The following ARID4B variants were observed in gnomAD, a reference collection of about 807,000 sequenced individuals.
ARID4B encodes AT-rich interaction domain 4B.
A neutral mutation model predicts 147.5 loss-of-function variants in ARID4B; 26 were observed. That is an observed-to-expected ratio of 0.18 (90% CI 0.13 to 0.24). ARID4B has a LOEUF of 0.24. Among genes scored for constraint, ARID4B ranks in the 10% least tolerant of loss-of-function variants. The pLI, the probability that ARID4B is intolerant of heterozygous loss-of-function variation, is 1.00. For synonymous variants in ARID4B, 512 were observed against 507.9 expected, an observed-to-expected ratio of 1.01 and a Z score of -0.11; for missense variants, 1,179 against 1,511.5, an observed-to-expected ratio of 0.78 and a Z score of 3.65.
intron 12 of ARID4B, 122 bp from the exon 13 acceptor site, chr1:235,223,382 T>TACACAC (rs199542557): frequency 1.4e-5 from 3 of 211,900 alleles, no homozygotes; most frequent in African/African-American, 7.9e-5. Flanking sequence ...TATATATATA[T>TACACAC]ACACGTATAT....
At chr1:235,255,219 CTAGA>C (rs1553304253) in intron 5 of ARID4B, among the ~76,000 whole-genome samples, 59 of 127,640 alleles carry the variant, frequency 4.6e-4, no homozygotes, top group Non-Finnish European at 6.2e-4. Context: ...CTGCTGGGAG[CTAGA>C]TAGATAGATA....
intron 17 of ARID4B, among the ~76,000 whole-genome samples, chr1:235,205,072 G>A (rs972087179): frequency 3.3e-5 from 5 of 152,064 alleles, no homozygotes; most frequent in Non-Finnish European, 7.4e-5. Context: ...TAGAAACAAC[G>A]CAGACAACTT....
At chr1:235,281,333 C>T (rs2103179107) in intron 2 of ARID4B, among the ~76,000 whole-genome samples, 1 of 152,148 alleles carries the variant, frequency 6.6e-6, no homozygotes, top group East Asian at 1.9e-4. Flanking sequence ...GGTGGCTCAC[C>T]TGAGGTAAGG....
chr1:235,309,588 G>C (rs1232481815), intron 2 of ARID4B, among the ~76,000 whole-genome samples: 1 of 150,990 alleles, frequency 6.6e-6, no homozygotes, highest in South Asian at 2.1e-4. Context: ...CGCCCCGTCC[G>C]GGAGGTGAGG....
chr1:235,269,288 G>T (rs1057372233), intron 2 of ARID4B, among the ~76,000 whole-genome samples: 1 of 152,178 alleles, frequency 6.6e-6, no homozygotes, highest in Non-Finnish European at 1.5e-5. Flanking sequence ...CATAAAGGTG[G>T]CTGATTCAGA....
chr1:235,254,418 T>C (rs955368212), intron 5 of ARID4B, among the ~76,000 whole-genome samples: 4 of 151,920 alleles, frequency 2.6e-5, no homozygotes, highest in East Asian at 1.9e-4. Flanking sequence ...TTTTAGAATG[T>C]TGGAAAAAAT....
At chr1:235,236,854 A>ATATGTG (rs1668627848) in intron 8 of ARID4B, among the ~76,000 whole-genome samples, 5 of 38,016 alleles carry the variant, frequency 1.3e-4, no homozygotes, top group Non-Finnish European at 2.0e-4. Context: ...ATATATATAT[A>ATATGTG]TATATATATT....
chr1:235,174,193 C>G (rs570783676), intron 22 of ARID4B, among the ~76,000 whole-genome samples: 1 of 152,074 alleles, frequency 6.6e-6, no homozygotes, highest in South Asian at 2.1e-4. Context: ...GCGCGTGCCA[C>G]CACGCGCAGC....
At chr1:235,253,979 T>C (rs748958839) in intron 5 of ARID4B, among the ~76,000 whole-genome samples, 3 of 152,182 alleles carry the variant, frequency 2.0e-5, no homozygotes, top group Non-Finnish European at 4.4e-5. Context: ...TAGATTCTTA[T>C]ACGTTACATA....
Position 235,246,200 on chromosome 1 carries a change from T to A in ARID4B, c.446+220A>T, listed in dbSNP as rs976984954. ...TTTTGACTACAGCATCAAGATAACATGCAGGGAGAAATTGAAGGCAGATAC... is the reference window on the plus strand; with the variant it reads ...TTTTGACTACAGCATCAAGATAACAAGCAGGGAGAAATTGAAGGCAGATAC... On this transcript the variant is annotated intron_variant, in intron 7 of 23. Coordinates refer to ENST00000264183, the MANE Select transcript of ARID4B (RefSeq NM_016374.6). Among the ~76,000 whole-genome samples, 6 of 152,264 alleles carry A rather than the reference T, an allele frequency of 3.9e-5. 1 individual carries two copies. Among genetic ancestry groups the A allele is most frequent in the Non-Finnish European group, 1.5e-5 (1 of 68,020 alleles).
At position 235,255,267 on chromosome 1, in the gene ARID4B, A is replaced by AGATAGATAGATCTATCTATCTATCTATC. The variant is rs1553304359; in HGVS notation, c.274+392_274+393insGATAGATAGATAGATAGATCTATCTATC. On this transcript the variant is annotated intron_variant, in intron 5 of 23. Coordinates refer to ENST00000264183, the MANE Select transcript of ARID4B (RefSeq NM_016374.6). The stretch of plus-strand genomic sequence containing the variant: ...GATAGATAGATAGATAGATAGATAT[A>AGATAGATAGATCTATCTATCTATCTATC]TATCTCTCTCTCTCTCTCTCTATAT... Among the ~76,000 whole-genome samples, 181 of 137,236 alleles carry AGATAGATAGATCTATCTATCTATCTATC rather than the reference A, an allele frequency of 1.3e-3. 4 individuals carry two copies. The highest frequency in any genetic ancestry group is 2.6e-3 in the South Asian group (10 of 3,852). 90.0% of individuals were successfully genotyped at this position (137,236 alleles called of 152,430 possible).
intron 6 of ARID4B, among the ~76,000 whole-genome samples, chr1:235,247,503 T>C (rs1669371578): frequency 1.3e-5 from 2 of 152,150 alleles, no homozygotes; most frequent in South Asian, 4.1e-4. Flanking sequence ...TAGATGTATG[T>C]ATCTAACAAC....
intron 18 of ARID4B, 88 bp from the exon 19 acceptor site, chr1:235,194,299 G>A (rs1407736054): frequency 5.2e-6 from 5 of 956,044 alleles, no homozygotes. Context: ...CACTATTACA[G>A]AATATGTTGT....
chr1:235,214,478 C>CA (rs2103009581), intron 16 of ARID4B, among the ~76,000 whole-genome samples: 1 of 152,180 alleles, frequency 6.6e-6, no homozygotes, highest in Non-Finnish European at 1.5e-5. Flanking sequence ...TTTTTAGAGA[C>CA]AGAGTCTTGC....
intron 8 of ARID4B, among the ~76,000 whole-genome samples, chr1:235,238,092 G>A (rs1448311582): frequency 8.2e-5 from 12 of 146,944 alleles, no homozygotes; most frequent in East Asian, 2.0e-4. Flanking sequence ...GCAGTGAGCC[G>A]AGATCGCACC....
chr1:235,258,005 T>C (rs1670088550), intron 3 of ARID4B, among the ~76,000 whole-genome samples: 1 of 152,108 alleles, frequency 6.6e-6, no homozygotes, highest in Non-Finnish European at 1.5e-5. Context: ...CCCTATTAGG[T>C]AGGTATGACT....
intron 2 of ARID4B, among the ~76,000 whole-genome samples, chr1:235,305,780 G>A (rs540572510): frequency 1.3e-5 from 2 of 152,240 alleles, no homozygotes; most frequent in South Asian, 2.1e-4. Flanking sequence ...GCAACATAGT[G>A]AGACCCTGTC....
intron 17 of ARID4B, among the ~76,000 whole-genome samples, chr1:235,196,343 G>A (rs886573168): frequency 6.6e-6 from 1 of 152,160 alleles, no homozygotes; most frequent in Admixed American, 6.5e-5. Context: ...CAAGACTAGA[G>A]AGCATGATCT....
chr1:235,296,275 A>C (rs920468459), intron 2 of ARID4B: 3 of 153,294 alleles, frequency 2.0e-5, no homozygotes, highest in African/African-American at 7.2e-5. Context: ...TGATGGAAAG[A>C]AGGCCCATGT....
Sources: gnomAD v4.1 joint callset for allele counts (sites outside exome capture counted in the v4.1 genomes callset) on GRCh38, gnomAD v4.1.1 for gene constraint, MANE v1.5 for transcripts, NCBI Gene and HGNC (gene_info 2026-07-23, HGNC 2026-07-21) for gene names.